The following TEAD1 variants were observed in gnomAD, a reference collection of about 807,000 sequenced individuals.
TEAD1 encodes TEA domain transcription factor 1.
In TEAD1, 9 loss-of-function variants were observed where a neutral mutation model predicts 54.9. That is an observed-to-expected ratio of 0.16 (90% confidence interval 0.10 to 0.29). The LOEUF (loss-of-function observed/expected upper bound fraction) is 0.29. TEAD1 is among the 10% of genes least tolerant of loss of function. The pLI is 1.00. For missense variants in TEAD1, 387 were observed against 535.9 expected (o/e 0.72, Z 2.74); for synonymous variants, 200 against 187.8 (o/e 1.07, Z -0.53).
At chr11:12,755,012 C>T (rs1437412759) in intron 2 of TEAD1, among the ~76,000 whole-genome samples, 1 of 152,144 alleles carries the variant, frequency 6.6e-6, no homozygotes, top group Non-Finnish European at 1.5e-5. Context: ...CTGAATCAGC[C>T]AAGGGGGCCG....
chr11:12,801,844 T>C (rs771111852), intron 3 of TEAD1, among the ~76,000 whole-genome samples: 4 of 152,238 alleles, frequency 2.6e-5, no homozygotes, highest in Non-Finnish European at 5.9e-5. Context: ...CTGTATTGAT[T>C]GGTGATTCTT....
intron 9 of TEAD1, among the ~76,000 whole-genome samples, chr11:12,888,559 A>AC (rs1948136573): frequency 6.6e-6 from 1 of 151,842 alleles, no homozygotes; most frequent in East Asian, 1.9e-4. Context: ...CAAGAGAAGA[A>AC]CCTTAGTTTA....
At chr11:12,852,449 CT>C (rs10706947) in intron 3 of TEAD1, among the ~76,000 whole-genome samples, 77,868 of 132,510 alleles carry the variant, frequency 0.59, 23,950 homozygotes, top group East Asian at 0.75. Context: ...TCTTTTTTTC[CT>C]TTTTTTTTTT....
chr11:12,855,699 T>C (rs1947362408), intron 3 of TEAD1, among the ~76,000 whole-genome samples: 1 of 151,882 alleles, frequency 6.6e-6, no homozygotes. Flanking sequence ...ATCCCAGCAC[T>C]TTGGGAGGCC....
intron 2 of TEAD1, among the ~76,000 whole-genome samples, chr11:12,742,042 C>G (rs1463685836): frequency 6.6e-6 from 1 of 152,202 alleles, no homozygotes; most frequent in Non-Finnish European, 1.5e-5. Flanking sequence ...TTTTCACCCA[C>G]CATAGATCAG....
intron 2 of TEAD1, among the ~76,000 whole-genome samples, chr11:12,695,767 C>T (rs1474548914): frequency 6.6e-6 from 1 of 152,156 alleles, no homozygotes; most frequent in Non-Finnish European, 1.5e-5. Context: ...ACAGATATTT[C>T]CTATAGATGG....
Position 12,937,537 on chromosome 11 carries a change from C to T in TEAD1, c.*315C>T, listed in dbSNP as rs77516772. On this transcript the variant is annotated 3_prime_UTR_variant, in exon 13 of 13. Coordinates refer to ENST00000527636, the MANE Select transcript of TEAD1 (RefSeq NM_021961.6). ...CCTGAACAACCCAAGTCTCTCTCTG[C>T]AGAGCCCTGTTTCTAATTGTGGTAG... The T allele has an allele frequency of 7.8e-4, 169 of 218,008 alleles. No individual in the cohort carries two copies. Among genetic ancestry groups the T allele is most frequent in the Non-Finnish European group, 1.3e-3 (141 of 107,140 alleles). The allele number at this position is 218,008 out of a possible 1,614,324, so 13.5% of individuals were successfully genotyped here.
At chr11:12,896,483 T>G (rs1469230368) in intron 9 of TEAD1, among the ~76,000 whole-genome samples, 1 of 152,228 alleles carries the variant, frequency 6.6e-6, no homozygotes, top group Admixed American at 6.5e-5. Flanking sequence ...GAAAGAGTAT[T>G]CTACTTTCAT....
At chr11:12,705,403 C>T (rs898534028) in intron 2 of TEAD1, among the ~76,000 whole-genome samples, 3 of 152,132 alleles carry the variant, frequency 2.0e-5, no homozygotes, top group African/African-American at 7.2e-5. Flanking sequence ...CAGAAAGGGG[C>T]CTGGGATGCT....
chr11:12,725,784 G>A (rs955451681), intron 2 of TEAD1, among the ~76,000 whole-genome samples: 1 of 152,164 alleles, frequency 6.6e-6, no homozygotes, highest in Non-Finnish European at 1.5e-5. Context: ...TGTGTCAGAT[G>A]CCTGGTCGAG....
intron 3 of TEAD1, among the ~76,000 whole-genome samples, chr11:12,770,959 C>T (rs186034142): frequency 6.6e-6 from 1 of 152,264 alleles, no homozygotes; most frequent in Admixed American, 6.5e-5. Context: ...GGATTTCCAC[C>T]CCTTGGAGAA....
intron 2 of TEAD1, among the ~76,000 whole-genome samples, chr11:12,746,404 A>G (rs1479085844): frequency 1.3e-5 from 2 of 152,176 alleles, no homozygotes; most frequent in Admixed American, 6.5e-5. Flanking sequence ...ATTGACCCAA[A>G]TCTGACTTAT....
At chr11:12,691,002 C>T (rs1360844475) in intron 2 of TEAD1, among the ~76,000 whole-genome samples, 5 of 152,212 alleles carry the variant, frequency 3.3e-5, no homozygotes, top group South Asian at 2.1e-4. Context: ...CTGCTCACCT[C>T]GGCTTCCCAA....
chr11:12,918,560 T>A (rs1202745984), intron 10 of TEAD1, among the ~76,000 whole-genome samples: 1 of 152,124 alleles, frequency 6.6e-6, no homozygotes, highest in East Asian at 1.9e-4. Flanking sequence ...AATAGAGAAT[T>A]TTCTCAGACT....
intron 3 of TEAD1, among the ~76,000 whole-genome samples, chr11:12,833,362 T>G (rs1946820877): frequency 6.6e-6 from 1 of 152,232 alleles, no homozygotes; most frequent in South Asian, 2.1e-4. Flanking sequence ...AATGCAGGTC[T>G]GCCTTCTCTT....
intron 9 of TEAD1, among the ~76,000 whole-genome samples, chr11:12,887,092 TGTTTG>T (rs1564978118): frequency 6.9e-5 from 9 of 129,656 alleles, no homozygotes; most frequent in South Asian, 2.4e-4. Flanking sequence ...TTTTTTTTTT[TGTTTG>T]TTTTTTTTTT....
chr11:12,825,369 C>T (rs1055589585), intron 3 of TEAD1, among the ~76,000 whole-genome samples: 26 of 152,174 alleles, frequency 1.7e-4, no homozygotes, highest in East Asian at 1.2e-3. Context: ...AAGTACGAAC[C>T]GACTAATGAG....
intron 2 of TEAD1, among the ~76,000 whole-genome samples, chr11:12,723,714 C>T (rs1378784526): frequency 6.6e-6 from 1 of 152,118 alleles, no homozygotes; most frequent in Non-Finnish European, 1.5e-5. Flanking sequence ...GCTCCTTCAA[C>T]TTATAAAATG....
chr11:12,821,386 A>G (rs1946542702), intron 3 of TEAD1, among the ~76,000 whole-genome samples: 1 of 152,168 alleles, frequency 6.6e-6, no homozygotes, highest in Admixed American at 6.5e-5. Flanking sequence ...ATAATGTTTA[A>G]TTGGATCACA....
Sources: allele counts gnomAD v4.1 joint callset (sites outside exome capture counted in the v4.1 genomes callset), GRCh38; gene constraint gnomAD v4.1.1; transcripts MANE v1.5; gene names NCBI Gene and HGNC (gene_info 2026-07-23, HGNC 2026-07-21).